MOGAT1: variants seen among roughly 807,000 people sequenced by gnomAD.
MOGAT1 encodes monoacylglycerol O-acyltransferase 1, also known as 2-acylglycerol O-acyltransferase 1.
MOGAT1 carries 32 observed loss-of-function variants against 31.4 expected under a neutral mutation model. The ratio of observed to expected loss-of-function variants is 1.02; its 90% confidence interval spans 0.77 to 1.37. The LOEUF (loss-of-function observed/expected upper bound fraction) is 1.37, where lower values mean the gene tolerates loss of function less well. Among genes scored for constraint, MOGAT1 ranks in the 40% most tolerant of loss-of-function variants. The pLI is 0.00. For synonymous variants in MOGAT1, 145 were observed against 144.5 expected (o/e 1.00, Z -0.03); for missense variants, 426 against 402.0 (o/e 1.06, Z -0.51).
chr2:222,671,915 C>T, intron 1 of MOGAT1, 36 bp downstream of exon 1: 1 of 1,469,228 alleles, frequency 6.8e-7, no homozygotes, highest in South Asian at 1.2e-5. Flanking sequence ...GGGGCTTGGG[C>T]TCCATATCCT....
chr2:222,685,054 A>G (rs1248867399), intron 1 of MOGAT1, among the ~76,000 whole-genome samples: 1 of 152,220 alleles, frequency 6.6e-6, no homozygotes, highest in African/African-American at 2.4e-5. Flanking sequence ...TTGTAATACC[A>G]AACAGCTAAT....
At chr2:222,684,645 C>T (rs1009206230) in intron 1 of MOGAT1, among the ~76,000 whole-genome samples, 2 of 151,982 alleles carry the variant, frequency 1.3e-5, no homozygotes, top group Non-Finnish European at 2.9e-5. Context: ...GGTGCAATCT[C>T]GGCTCACTGC....
At chr2:222,686,895 T>C (rs1037391534) in intron 1 of MOGAT1, among the ~76,000 whole-genome samples, 17 of 152,166 alleles carry the variant, frequency 1.1e-4, no homozygotes, top group Non-Finnish European at 2.1e-4. Flanking sequence ...GGTGGATCAC[T>C]TGAGGTCAGG....
intron 5 of MOGAT1, among the ~76,000 whole-genome samples, chr2:222,708,464 T>C (rs921321819): frequency 6.6e-6 from 1 of 152,326 alleles, no homozygotes. Context: ...GCCAAAGCCA[T>C]GGGAATTTTT....
intron 5 of MOGAT1, among the ~76,000 whole-genome samples, chr2:222,696,278 T>C (rs539724718): frequency 6.6e-6 from 1 of 152,370 alleles, no homozygotes; most frequent in East Asian, 1.9e-4. Context: ...TCAGGGTAGA[T>C]ACCCAGTAGT....
At chr2:222,687,481 T>A (rs1034060205) in intron 1 of MOGAT1, among the ~76,000 whole-genome samples, 1 of 152,250 alleles carries the variant, frequency 6.6e-6, no homozygotes, top group African/African-American at 2.4e-5. Context: ...TCTCTTTTCA[T>A]AATTTTTTAA....
At chr2:222,693,701 T>C (rs1692798998) in intron 3 of MOGAT1, among the ~76,000 whole-genome samples, 1 of 152,048 alleles carries the variant, frequency 6.6e-6, no homozygotes, top group Non-Finnish European at 1.5e-5. Flanking sequence ...ACTTATTCAC[T>C]ATCACGAGAA....
intron 1 of MOGAT1, among the ~76,000 whole-genome samples, chr2:222,673,411 A>T (rs889797858): frequency 6.6e-6 from 1 of 150,508 alleles, no homozygotes; most frequent in African/African-American, 2.4e-5. Context: ...GTTGCTCTGG[A>T]TCAAAGCACC....
At chr2:222,682,674 C>A (rs1692601708) in intron 1 of MOGAT1, among the ~76,000 whole-genome samples, 1 of 152,136 alleles carries the variant, frequency 6.6e-6, no homozygotes, top group Non-Finnish European at 1.5e-5. Context: ...GTGGGAGCAA[C>A]CCAAATGTCT....
chr2:222,695,297 A>C lies in MOGAT1; in HGVS notation c.853+9A>C. 1 of 1,570,302 alleles carries C rather than the reference A, an allele frequency of 6.4e-7. No homozygotes were observed. The highest frequency in any genetic ancestry group is 8.7e-7 in the Non-Finnish European group (1 of 1,148,046). ...AGCCATCCACACTGTTGGTATGTACATAAAATAACTACAACTATTAGCTTA... is the reference window on the plus strand; with the variant it reads ...AGCCATCCACACTGTTGGTATGTACCTAAAATAACTACAACTATTAGCTTA... On this transcript the variant is annotated intron_variant, in intron 5 of 5. Transcript: ENST00000446656.
At chr2:222,684,014 T>C (rs1692624926) in intron 1 of MOGAT1, among the ~76,000 whole-genome samples, 1 of 152,202 alleles carries the variant, frequency 6.6e-6, no homozygotes, top group Admixed American at 6.5e-5. Flanking sequence ...AGAATCAGAT[T>C]ACCCTGAATT....
At chr2:222,684,612 T>C (rs1692635309) in intron 1 of MOGAT1, among the ~76,000 whole-genome samples, 1 of 152,096 alleles carries the variant, frequency 6.6e-6, no homozygotes, top group South Asian at 2.1e-4. Flanking sequence ...AGTCTTGCCC[T>C]GTCACCCGGG....
intron 3 of MOGAT1, among the ~76,000 whole-genome samples, chr2:222,691,242 G>A (rs1002318220): frequency 6.6e-6 from 1 of 150,982 alleles, no homozygotes; most frequent in Non-Finnish European, 1.5e-5. Flanking sequence ...TTTCGCTCTT[G>A]TTGCCCAGGC....
chr2:222,697,356 A>G (rs188756633), intron 5 of MOGAT1, among the ~76,000 whole-genome samples: 12 of 152,252 alleles, frequency 7.9e-5, no homozygotes, highest in Admixed American at 3.3e-4. Context: ...TACGTTTATT[A>G]TTATTAAATC....
At chr2:222,701,580 G>GAA (rs1366382501) in intron 5 of MOGAT1, among the ~76,000 whole-genome samples, 1 of 106,794 alleles carries the variant, frequency 9.4e-6, no homozygotes, top group African/African-American at 3.9e-5. Flanking sequence ...AGAAAAGAAA[G>GAA]AAAAAGAAAG....
intron 5 of MOGAT1, among the ~76,000 whole-genome samples, chr2:222,705,860 A>G (rs1021349783): frequency 1.2e-4 from 18 of 152,214 alleles, no homozygotes; most frequent in Non-Finnish European, 2.9e-5. Context: ...TCCACTGCTA[A>G]TAGGCTGGTA....
At chr2:222,692,151 G>A (rs1692771823) in intron 3 of MOGAT1, among the ~76,000 whole-genome samples, 1 of 152,244 alleles carries the variant, frequency 6.6e-6, no homozygotes, top group Non-Finnish European at 1.5e-5. Flanking sequence ...GTGGTTACAG[G>A]CAGGTAGGCC....
intron 1 of MOGAT1, among the ~76,000 whole-genome samples, chr2:222,675,813 C>T (rs1349201427): frequency 3.9e-5 from 6 of 152,096 alleles, no homozygotes; most frequent in Non-Finnish European, 7.4e-5. Context: ...AATTTTGTCT[C>T]ATCATGTAGC....
chr2:222,678,438 T>C (rs1359188743), intron 1 of MOGAT1: 1 of 152,242 alleles, frequency 6.6e-6, no homozygotes, highest in African/African-American at 2.4e-5. Flanking sequence ...TTGCTTGTTT[T>C]CCTATTGCTG....
Sources: gnomAD v4.1 joint callset for allele counts (sites outside exome capture counted in the v4.1 genomes callset) on GRCh38, gnomAD v4.1.1 for gene constraint, MANE v1.5 for transcripts, NCBI Gene and HGNC (gene_info 2026-07-23, HGNC 2026-07-21) for gene names.